Variants in CCSER1 observed in about 807,000 individuals in gnomAD.
The protein encoded by CCSER1 is serine-rich coiled-coil domain-containing protein 1.
Under a neutral mutation model 82.0 loss-of-function variants are expected in CCSER1, and 41 were observed. The observed-to-expected ratio is 0.50, with a 90% CI of 0.39 to 0.65. The LOEUF (loss-of-function observed/expected upper bound fraction) is 0.65. Ranked by LOEUF, CCSER1 falls within the 30% of genes least tolerant of loss-of-function variation. The pLI, the probability that CCSER1 is intolerant of heterozygous loss-of-function variation, is 0.00. For missense variants in CCSER1, 1,119 were observed against 1,064.2 expected, an observed-to-expected ratio of 1.05 and a Z score of -0.72; for synonymous variants, 414 against 383.9, an observed-to-expected ratio of 1.08 and a Z score of -0.92.
chr4:91,409,238 T>G (rs1283825580), intron 10 of CCSER1, among the ~76,000 whole-genome samples: 1 of 152,226 alleles, frequency 6.6e-6, no homozygotes, highest in African/African-American at 2.4e-5. Context: ...ATGGTTCATT[T>G]TTGATGCAGA....
At chr4:90,485,833 A>G (rs865835133) in intron 5 of CCSER1, among the ~76,000 whole-genome samples, 3 of 152,124 alleles carry the variant, frequency 2.0e-5, no homozygotes, top group African/African-American at 7.2e-5. Flanking sequence ...TTTGCTAAGG[A>G]TAATTATCTC....
chr4:91,193,158 A>G (rs941554035), intron 10 of CCSER1, among the ~76,000 whole-genome samples: 1 of 152,092 alleles, frequency 6.6e-6, no homozygotes, highest in Non-Finnish European at 1.5e-5. Context: ...CTTTTACCTC[A>G]GTGTTGCTTG....
intron 9 of CCSER1, among the ~76,000 whole-genome samples, chr4:91,085,302 T>C (rs954118472): frequency 4.6e-5 from 7 of 152,160 alleles, no homozygotes; most frequent in Non-Finnish European, 8.8e-5. Context: ...TTAAATAATT[T>C]ATCAGATTAG....
intron 5 of CCSER1, among the ~76,000 whole-genome samples, chr4:90,618,619 T>C (rs565404126): frequency 1.3e-5 from 2 of 152,046 alleles, no homozygotes; most frequent in African/African-American, 2.4e-5. Context: ...TATTACATGA[T>C]ATGGATGTGA....
At chr4:91,175,455 T>C (rs1421816968) in intron 10 of CCSER1, among the ~76,000 whole-genome samples, 2 of 152,104 alleles carry the variant, frequency 1.3e-5, no homozygotes, top group East Asian at 1.9e-4. Flanking sequence ...CAAAAGTGTT[T>C]CTATTTCTCC....
At chr4:90,260,431 G>T (rs1195396310) in intron 1 of CCSER1, among the ~76,000 whole-genome samples, 1 of 152,140 alleles carries the variant, frequency 6.6e-6, no homozygotes, top group Admixed American at 6.5e-5. Context: ...AAATCTGGGA[G>T]CTCCAGTGTT....
At chr4:90,906,825 G>C (rs1449548100) in intron 8 of CCSER1, among the ~76,000 whole-genome samples, 1 of 151,884 alleles carries the variant, frequency 6.6e-6, no homozygotes, top group Non-Finnish European at 1.5e-5. Context: ...TTGAATTAAG[G>C]ACTTATGGTT....
chr4:90,615,295 G>A (rs1210027423), intron 5 of CCSER1, among the ~76,000 whole-genome samples: 1 of 152,154 alleles, frequency 6.6e-6, no homozygotes, highest in Non-Finnish European at 1.5e-5. Flanking sequence ...GATCGTTGAG[G>A]AATTTTGATG....
At position 90,952,646 on chromosome 4, in the gene CCSER1, C is replaced by CATG. The variant is rs1444402648; in HGVS notation, c.2172+29200_2172+29201insTGA. On this transcript the variant is annotated intron_variant, in intron 9 of 10. Transcript: ENST00000509176. ...AGCATCATAATGTCATAGTCCTAGA[C>CATG]ACTTGATTTCCTACAACTGGCCTGG... Among the ~76,000 whole-genome samples, 3 of 152,078 alleles carry CATG rather than the reference C, an allele frequency of 2.0e-5. No individual in the cohort carries two copies. In the East Asian group the frequency reaches 5.8e-4, roughly 29 times the overall value.
chr4:90,829,154 A>T (rs2149814558), intron 8 of CCSER1, among the ~76,000 whole-genome samples: 1 of 152,276 alleles, frequency 6.6e-6, no homozygotes, highest in South Asian at 2.1e-4. Context: ...TCTAATCTAA[A>T]ATATTGTAGA....
At chr4:90,366,885 C>T (rs1208419770) in intron 3 of CCSER1, among the ~76,000 whole-genome samples, 3 of 151,664 alleles carry the variant, frequency 2.0e-5, no homozygotes, top group African/African-American at 7.2e-5. Flanking sequence ...ATAGAATTCC[C>T]TTAGTACGAA....
At chr4:91,548,330 A>G (rs1222074437) in intron 10 of CCSER1, among the ~76,000 whole-genome samples, 1 of 152,136 alleles carries the variant, frequency 6.6e-6, no homozygotes, top group Non-Finnish European at 1.5e-5. Context: ...CATTTTATTT[A>G]TACACGGTCA....
At chr4:90,637,303 C>T (rs1223166236) in intron 6 of CCSER1, among the ~76,000 whole-genome samples, 1 of 151,988 alleles carries the variant, frequency 6.6e-6, no homozygotes, top group Non-Finnish European at 1.5e-5. Context: ...CGCTGGTCAA[C>T]ATGGCAGTTG....
chr4:91,149,544 G>A (rs369487573), intron 10 of CCSER1, among the ~76,000 whole-genome samples: 1 of 152,160 alleles, frequency 6.6e-6, no homozygotes, highest in Non-Finnish European at 1.5e-5. Flanking sequence ...TAGACATGAA[G>A]ACCTTGCCCA....
intron 9 of CCSER1, among the ~76,000 whole-genome samples, chr4:90,925,928 T>C (rs1005359306): frequency 6.6e-6 from 1 of 152,070 alleles, no homozygotes; most frequent in African/African-American, 2.4e-5. Context: ...GTAACTGTAA[T>C]ACTAAACTTT....
At chr4:91,396,734 G>C (rs2149355369) in intron 10 of CCSER1, among the ~76,000 whole-genome samples, 1 of 151,994 alleles carries the variant, frequency 6.6e-6, no homozygotes, top group South Asian at 2.1e-4. Context: ...AGTGCGCCAA[G>C]GGAAATAAAA....
intron 9 of CCSER1, among the ~76,000 whole-genome samples, chr4:91,078,342 A>C (rs1722259166): frequency 6.6e-6 from 1 of 152,208 alleles, no homozygotes; most frequent in Non-Finnish European, 1.5e-5. Context: ...AGCAAACTCC[A>C]ACAGACCTGC....
At chr4:91,349,919 C>T (rs1748360840) in intron 10 of CCSER1, among the ~76,000 whole-genome samples, 1 of 151,946 alleles carries the variant, frequency 6.6e-6, no homozygotes, top group South Asian at 2.1e-4. Flanking sequence ...TTCAGTAAAT[C>T]GTGATTCTCT....
intron 10 of CCSER1, among the ~76,000 whole-genome samples, chr4:91,270,343 G>A (rs1463602292): frequency 2.0e-5 from 3 of 152,190 alleles, no homozygotes; most frequent in South Asian, 2.1e-4. Flanking sequence ...AAGATGGTAT[G>A]TTACTCTTTT....
Sources: gnomAD v4.1 joint callset for allele counts (sites outside exome capture counted in the v4.1 genomes callset) on GRCh38, gnomAD v4.1.1 for gene constraint, MANE v1.5 for transcripts, NCBI Gene and HGNC (gene_info 2026-07-23, HGNC 2026-07-21) for gene names.